GSE1: variants seen among roughly 807,000 people sequenced by gnomAD.
GSE1 encodes Gse1 coiled-coil protein, also known as genetic suppressor element 1.
GSE1 carries 32 observed loss-of-function variants against 112.6 expected under a neutral mutation model. That is an observed-to-expected ratio of 0.28 (90% CI 0.21 to 0.38). GSE1 has a LOEUF of 0.38. Among genes scored for constraint, GSE1 ranks in the 10% least tolerant of loss-of-function variants. GSE1 has a pLI of 1.00. For synonymous variants in GSE1, 1,115 were observed against 735.6 expected (o/e 1.52, Z -8.35); for missense variants, 2,348 against 1,699.2 (o/e 1.38, Z -6.71).
At chr16:85,444,207 A>C (rs902710273) in intron 2 of GSE1, among the ~76,000 whole-genome samples, 2 of 151,974 alleles carry the variant, frequency 1.3e-5, no homozygotes, top group Non-Finnish European at 2.9e-5. Flanking sequence ...GATGGTCTCG[A>C]TCTCTTGACC....
chr16:85,347,375 C>A (rs1170040881), intron 1 of GSE1, among the ~76,000 whole-genome samples: 4 of 152,160 alleles, frequency 2.6e-5, no homozygotes, highest in Admixed American at 2.6e-4. Flanking sequence ...CCTGGCCCGG[C>A]TGGATTCCCC....
At chr16:85,202,444 T>C (rs918195978) in intron 1 of GSE1, among the ~76,000 whole-genome samples, 2 of 152,142 alleles carry the variant, frequency 1.3e-5, no homozygotes, top group Admixed American at 6.5e-5. Context: ...CCACAGGACA[T>C]TTTTTTGTAG....
At chr16:85,663,287 G>C (rs1461925105) in intron 10 of GSE1, 57 bp from the exon 11 acceptor site, 1 of 1,588,174 alleles carries the variant, frequency 6.3e-7, no homozygotes, top group East Asian at 2.2e-5. Flanking sequence ...CCCCGGGACA[G>C]TGCAAGCATA....
intron 1 of GSE1, among the ~76,000 whole-genome samples, chr16:85,581,364 G>A (rs201471301): frequency 9.9e-5 from 15 of 152,218 alleles, no homozygotes; most frequent in Non-Finnish European, 1.3e-4. Flanking sequence ...GCTGGGGGCC[G>A]TACTGCACGG....
At chr16:85,195,556 T>A (rs1231313585) in intron 1 of GSE1, among the ~76,000 whole-genome samples, 1 of 152,220 alleles carries the variant, frequency 6.6e-6, no homozygotes, top group Admixed American at 6.5e-5. Flanking sequence ...ATGCCACATT[T>A]GTCAAATCCG....
intron 2 of GSE1, among the ~76,000 whole-genome samples, chr16:85,482,737 G>A (rs1171825648): frequency 6.6e-6 from 1 of 152,162 alleles, no homozygotes; most frequent in Non-Finnish European, 1.5e-5. Context: ...CAGCACTTTG[G>A]GAGGCCAAGG....
intron 1 of GSE1, among the ~76,000 whole-genome samples, chr16:85,630,667 C>T (rs77595549): frequency 0.013 from 1,987 of 152,276 alleles, 38 homozygotes; most frequent in South Asian, 0.072. Context: ...GTGTGGTGCG[C>T]GCACATGTGA....
rs931575792 is a variant in GSE1 at position 85,311,850 on chromosome 16, C to T, written c.2284-45613C>T. 6.6e-6 allele frequency among the ~76,000 whole-genome samples: 1 copy of T among 152,172 alleles called. No individual in the cohort carries two copies. Among genetic ancestry groups the T allele is most frequent in the Non-Finnish European group, 1.5e-5 (1 of 68,016 alleles). ...TGACCTGTGGCCCCAGCCGCGAGTC[C>T]TTCTCACCCCAGACCCCAGCGTCTG... On this transcript the variant is annotated intron_variant, in intron 1 of 2. Coordinates refer to the GSE1 transcript ENST00000637419. This position sits in a 1 kb window ranked among gnomAD's most constrained non-coding sequence, Gnocchi z 4.2.
chr16:85,331,730 T>G (rs2046378995), intron 1 of GSE1, among the ~76,000 whole-genome samples: 2 of 127,712 alleles, frequency 1.6e-5, no homozygotes, highest in Non-Finnish European at 3.2e-5. Context: ...TTTTTTTTAG[T>G]TAAGATGGGG....
Position 85,331,507 on chromosome 16 carries a change from A to ATGTGTATATATGTGTATATG in GSE1, c.2284-25953_2284-25952insGTATATATGTGTATATGTGT, listed in dbSNP as rs1463838311. Among the ~76,000 whole-genome samples the ATGTGTATATATGTGTATATG allele has an allele frequency of 3.3e-5, 4 of 119,580 alleles. No homozygotes were observed. The Admixed American group carries it at 3.6e-4, about 11-fold the overall frequency. 78.4% of individuals were successfully genotyped at this position (119,580 alleles called of 152,430 possible). ...TGTATATATGTGTATATGTGTATAT[A>ATGTGTATATATGTGTATATG]TGTATATATGTGTATATATGTGTAT... is the stretch of plus-strand genomic sequence containing the variant. On this transcript the variant is annotated intron_variant, in intron 1 of 2. Transcript: ENST00000637419.
At chr16:85,186,638 G>A (rs2074708078) in intron 1 of GSE1, among the ~76,000 whole-genome samples, 1 of 151,706 alleles carries the variant, frequency 6.6e-6, no homozygotes, top group Non-Finnish European at 1.5e-5. Context: ...CGTGTGTGGT[G>A]GCGCATGTCT....
intron 7 of GSE1, 97 bp downstream of exon 7, chr16:85,656,762 G>A (rs1377167557): frequency 5.6e-6 from 8 of 1,421,646 alleles, no homozygotes; most frequent in Non-Finnish European, 7.4e-6. Flanking sequence ...TGGTGTAAAT[G>A]TTCCCCAGCT....
chr16:85,658,482 C>G (rs1355404662), intron 8 of GSE1, among the ~76,000 whole-genome samples: 2 of 152,176 alleles, frequency 1.3e-5, no homozygotes, highest in Non-Finnish European at 2.9e-5. Context: ...GATAAGAAAC[C>G]CTTGGGCTCT....
At chr16:85,438,587 C>A (rs997192241) in intron 2 of GSE1, among the ~76,000 whole-genome samples, 1 of 152,140 alleles carries the variant, frequency 6.6e-6, no homozygotes, top group African/African-American at 2.4e-5. Flanking sequence ...AGTCACTTGC[C>A]CATGCTCTTA....
At chr16:85,324,474 C>G (rs774798990) in intron 1 of GSE1, among the ~76,000 whole-genome samples, 1 of 148,938 alleles carries the variant, frequency 6.7e-6, no homozygotes, top group Non-Finnish European at 1.5e-5. Context: ...CACGCCACTG[C>G]ACTCCAGCCT....
chr16:85,217,001 G>T (rs947666385), intron 1 of GSE1, among the ~76,000 whole-genome samples: 13 of 152,320 alleles, frequency 8.5e-5, no homozygotes, highest in Middle Eastern at 3.4e-3. Flanking sequence ...GAAGGAGCGG[G>T]GCGCTGTGGT....
chr16:85,190,388 A>G (rs1034716529), intron 1 of GSE1, among the ~76,000 whole-genome samples: 3 of 152,258 alleles, frequency 2.0e-5, no homozygotes, highest in African/African-American at 4.8e-5. Context: ...TGCATTTAAT[A>G]ATATTGTGTT....
At chr16:85,652,307 C>A (rs1048595015) in intron 3 of GSE1, among the ~76,000 whole-genome samples, 2 of 152,242 alleles carry the variant, frequency 1.3e-5, no homozygotes, top group Non-Finnish European at 2.9e-5. Context: ...CTCGGCCACT[C>A]CCCCACTACC....
At chr16:85,663,915 C>G (rs2052631253) in intron 11 of GSE1, among the ~76,000 whole-genome samples, 2 of 152,286 alleles carry the variant, frequency 1.3e-5, no homozygotes, top group Non-Finnish European at 2.9e-5. Flanking sequence ...CAGTGACCAC[C>G]AGGCGTGAGG....
Sources: gnomAD v4.1 joint callset for allele counts (sites outside exome capture counted in the v4.1 genomes callset) on GRCh38, gnomAD v4.1.1 for gene constraint, Gnocchi (gnomAD v3.1) non-coding constraint, MANE v1.5 for transcripts, NCBI Gene and HGNC (gene_info 2026-07-23, HGNC 2026-07-21) for gene names.